HS6ST1: variants seen among roughly 807,000 people sequenced by gnomAD.
HS6ST1 encodes heparan-sulfate 6-O-sulfotransferase 1.
A neutral mutation model predicts 25.2 loss-of-function variants in HS6ST1; 3 were observed. The observed-to-expected ratio is 0.12, with a 90% CI of 0.05 to 0.31. The LOEUF (loss-of-function observed/expected upper bound fraction) is 0.31. Ranked by LOEUF, HS6ST1 falls within the 10% of genes least tolerant of loss-of-function variation. The pLI is 1.00. For synonymous variants in HS6ST1, 204 were observed against 275.1 expected, an observed-to-expected ratio of 0.74 and a Z score of 2.56; for missense variants, 310 against 609.6, an observed-to-expected ratio of 0.51 and a Z score of 5.18.
intron 1 of HS6ST1, among the ~76,000 whole-genome samples, chr2:128,298,468 G>A (rs1694073385): frequency 2.6e-5 from 4 of 152,172 alleles, no homozygotes; most frequent in Admixed American, 2.0e-4. Flanking sequence ...ACATATAGAC[G>A]ATGGAGTATT....
At chr2:128,304,630 A>G (rs1694181286) in intron 1 of HS6ST1, among the ~76,000 whole-genome samples, 1 of 87,556 alleles carries the variant, frequency 1.1e-5, no homozygotes, top group Non-Finnish European at 2.2e-5. Context: ...GCACTGCAGC[A>G]ATGCACACAG....
At chr2:128,280,270 T>C (rs756066986) in intron 1 of HS6ST1, among the ~76,000 whole-genome samples, 152 of 152,360 alleles carry the variant, frequency 1.0e-3, no homozygotes, top group Non-Finnish European at 1.9e-3. Flanking sequence ...GGCGGGTGGC[T>C]GCCTCCTCTT....
rs578226421 is a variant in HS6ST1 at position 128,268,673 on chromosome 2, G to A, written c.725C>T (p.Pro242Leu). 1.0e-4 allele frequency: 167 copies of A among 1,611,606 alleles called. 1 individual carries two copies. The East Asian group carries it at 1.7e-3, about 17-fold the overall frequency. The change falls in exon 2 of 2, where the codon CCG (proline) becomes CTG (leucine). Residue 242 changes from proline to leucine, a missense_variant. Coordinates refer to ENST00000259241, the MANE Select transcript of HS6ST1 (RefSeq NM_004807.3). ...GCTLQEFMDC[P>L]YNLANNRQVR... is the part of the protein sequence containing the mutation. ...CTGGCGGTTGTTGGCCAGGTTGTAC[G>A]GGCAGTCCATGAACTCCTGTAGCGT...
intron 1 of HS6ST1, among the ~76,000 whole-genome samples, chr2:128,289,209 A>G (rs1192458052): frequency 6.6e-6 from 1 of 151,810 alleles, no homozygotes; most frequent in East Asian, 1.9e-4. Context: ...GGAGGGCGAC[A>G]GCTCCGGGTG....
At chr2:128,308,516 C>T (rs1391981233) in intron 1 of HS6ST1, among the ~76,000 whole-genome samples, 1 of 152,228 alleles carries the variant, frequency 6.6e-6, no homozygotes, top group Non-Finnish European at 1.5e-5. Context: ...GGGGTGGGGT[C>T]AGGCTGCCAC....
intron 1 of HS6ST1, among the ~76,000 whole-genome samples, chr2:128,278,807 G>A (rs1693735415): frequency 1.3e-5 from 2 of 152,184 alleles, no homozygotes; most frequent in South Asian, 4.1e-4. Context: ...CTCAGTGGCT[G>A]TCTCGGCAGT....
At chr2:128,294,991 T>TCC (rs941438151) in intron 1 of HS6ST1, among the ~76,000 whole-genome samples, 1 of 151,904 alleles carries the variant, frequency 6.6e-6, no homozygotes, top group African/African-American at 2.4e-5. Context: ...CCAAACCACC[T>TCC]CCCCCTCTTG....
chr2:128,306,654 G>C (rs1170657735), intron 1 of HS6ST1, among the ~76,000 whole-genome samples: 1 of 152,206 alleles, frequency 6.6e-6, no homozygotes, highest in Non-Finnish European at 1.5e-5. Flanking sequence ...TCCCAAGCCA[G>C]TGGGGGCATG....
chr2:128,275,974 T>C (rs2104913922), intron 1 of HS6ST1, among the ~76,000 whole-genome samples: 1 of 152,158 alleles, frequency 6.6e-6, no homozygotes, highest in South Asian at 2.1e-4. Context: ...GCAATAAAAA[T>C]GAACAAACAG....
chr2:128,288,595 GGTGCCCTGGGCCTA>G (rs1036214262), intron 1 of HS6ST1, among the ~76,000 whole-genome samples: 5 of 152,176 alleles, frequency 3.3e-5, no homozygotes, highest in African/African-American at 1.2e-4. Context: ...ACCCGCGCCA[GGTGCCCTGGGCCTA>G]GTGCCCTGGG....
chr2:128,269,994 G>C (rs1362740751), intron 1 of HS6ST1, among the ~76,000 whole-genome samples: 10 of 152,230 alleles, frequency 6.6e-5, no homozygotes, highest in Admixed American at 5.9e-4. Context: ...CCTCCCTGCA[G>C]GGAGGGAGGC....
rs555149174 is a variant in HS6ST1, at chr2:128,306,763, C to T, written c.527+11274G>A. Among the ~76,000 whole-genome samples the T allele has an allele frequency of 5.3e-5, 8 of 152,156 alleles. No homozygotes were observed. In the East Asian group the frequency reaches 1.4e-3, roughly 26 times the overall value. On this transcript the variant is annotated intron_variant, in intron 1 of 1. Transcript: ENST00000259241. ...GGGGCTACCACCCCCATGCTCCTTTCTGAGGGGGTGCGAAAAGCTTTATCC... is the reference window on the plus strand; with the variant it reads ...GGGGCTACCACCCCCATGCTCCTTTTTGAGGGGGTGCGAAAAGCTTTATCC...
intron 1 of HS6ST1, among the ~76,000 whole-genome samples, chr2:128,307,093 T>C (rs1001763202): frequency 6.6e-6 from 1 of 151,888 alleles, no homozygotes; most frequent in Non-Finnish European, 1.5e-5. Flanking sequence ...GCGGTTTTAG[T>C]TGGGTTTCCT....
At chr2:128,296,233 A>G (rs1694038369) in intron 1 of HS6ST1, among the ~76,000 whole-genome samples, 1 of 152,254 alleles carries the variant, frequency 6.6e-6, no homozygotes, top group African/African-American at 2.4e-5. Flanking sequence ...ACAGCCAGAT[A>G]TGAAAAACTC....
At chr2:128,315,563 G>A (rs1351182794) in intron 1 of HS6ST1, among the ~76,000 whole-genome samples, 1 of 152,208 alleles carries the variant, frequency 6.6e-6, no homozygotes, top group African/African-American at 2.4e-5. Context: ...AGGAGGGCCA[G>A]GGTGACACCT....
At chr2:128,295,250 A>G (rs2104927143) in intron 1 of HS6ST1, among the ~76,000 whole-genome samples, 1 of 152,296 alleles carries the variant, frequency 6.6e-6, no homozygotes, top group South Asian at 2.1e-4. Context: ...TCCTCACTCC[A>G]GGGCAATGGG....
In HS6ST1 at chr2:128,308,311, C is replaced by T. The variant is rs559021617; in HGVS notation, c.527+9726G>A. On this transcript the variant is annotated intron_variant, in intron 1 of 1. Transcript: ENST00000259241. ...CTCCACAAGGCTCCCCAGTTACACC[C>T]CTGGAGATACCATGTAGGGGGTGAT... is the stretch of plus-strand genomic sequence containing the variant. 5.1e-4 allele frequency among the ~76,000 whole-genome samples: 77 copies of T among 152,274 alleles called. 2 individuals are homozygous for T. The South Asian group carries it at 0.013, about 27-fold the overall frequency.
chr2:128,280,807 A>G (rs1256902035), intron 1 of HS6ST1, among the ~76,000 whole-genome samples: 1 of 152,138 alleles, frequency 6.6e-6, no homozygotes, highest in Non-Finnish European at 1.5e-5. Flanking sequence ...GTCCTCACCC[A>G]TGTGCTTCCT....
intron 1 of HS6ST1, among the ~76,000 whole-genome samples, chr2:128,280,470 T>C (rs1483176502): frequency 1.3e-5 from 2 of 152,204 alleles, no homozygotes; most frequent in Non-Finnish European, 2.9e-5. Context: ...TGAGAGGGAA[T>C]GGCTTCCCCA....
Sources: allele counts gnomAD v4.1 joint callset (sites outside exome capture counted in the v4.1 genomes callset), GRCh38; gene constraint gnomAD v4.1.1; transcripts MANE v1.5; gene names NCBI Gene and HGNC (gene_info 2026-07-23, HGNC 2026-07-21).